GRM7: variants seen among roughly 807,000 people sequenced by gnomAD.
The protein encoded by GRM7 is glutamate metabotropic receptor 7.
GRM7 carries 35 observed loss-of-function variants against 84.5 expected under a neutral mutation model. That is an observed-to-expected ratio of 0.41 (90% CI 0.32 to 0.55). GRM7 has a LOEUF of 0.55. Among genes scored for constraint, GRM7 ranks in the 20% least tolerant of loss-of-function variants. The pLI is 0.19. For synonymous variants in GRM7, 487 were observed against 455.1 expected (o/e 1.07, Z -0.89); for missense variants, 1,003 against 1,194.6 (o/e 0.84, Z 2.36).
chr3:7,311,205 C>G (rs1700379187), intron 4 of GRM7, among the ~76,000 whole-genome samples: 1 of 152,134 alleles, frequency 6.6e-6, no homozygotes, highest in African/African-American at 2.4e-5. Context: ...TGCGGTCATT[C>G]TCCAGAAATC....
intron 4 of GRM7, among the ~76,000 whole-genome samples, chr3:7,338,575 G>A (rs1382429922): frequency 1.3e-5 from 2 of 152,036 alleles, no homozygotes; most frequent in African/African-American, 4.8e-5. Flanking sequence ...AGTACAACAA[G>A]CAACTGTAGC....
intron 2 of GRM7, among the ~76,000 whole-genome samples, chr3:7,227,785 T>C (rs983736197): frequency 2.6e-5 from 4 of 152,160 alleles, no homozygotes; most frequent in Non-Finnish European, 4.4e-5. Context: ...CTGGGTATTA[T>C]ATTGAATAAG....
intron 4 of GRM7, among the ~76,000 whole-genome samples, chr3:7,365,697 A>G (rs1014826636): frequency 1.3e-5 from 2 of 148,308 alleles, no homozygotes; most frequent in Non-Finnish European, 3.0e-5. Context: ...ATATATATAC[A>G]CATATATATG....
chr3:7,386,294 T>A (rs1368326168), intron 4 of GRM7, among the ~76,000 whole-genome samples: 1 of 152,214 alleles, frequency 6.6e-6, no homozygotes, highest in Non-Finnish European at 1.5e-5. Flanking sequence ...AATTTTAGAT[T>A]CGGGAGTTCC....
At chr3:7,142,034 G>C (rs1372989993) in intron 1 of GRM7, among the ~76,000 whole-genome samples, 3 of 152,028 alleles carry the variant, frequency 2.0e-5, no homozygotes, top group Non-Finnish European at 2.9e-5. Flanking sequence ...ATGTATAAAG[G>C]CTTGCATTAG....
chr3:7,506,014 C>G (rs955025585), intron 7 of GRM7, among the ~76,000 whole-genome samples: 1 of 152,192 alleles, frequency 6.6e-6, no homozygotes, highest in African/African-American at 2.4e-5. Context: ...ATTATAAATT[C>G]TGTCTTTAAA....
rs1335458022 is a variant in GRM7 at position 7,609,053 on chromosome 3, T to A, written c.2451+29696T>A. On this transcript the variant is annotated intron_variant, in intron 8 of 9. Transcript: ENST00000357716. ...TGTGCAGCCTTATTTCTGGGCTCTC[T>A]ATTCTGTTTCATTGGTCTATGTGCC... Among the ~76,000 whole-genome samples, 4 of 152,208 alleles carry A rather than the reference T, an allele frequency of 2.6e-5. No homozygotes were observed. In the East Asian group the frequency reaches 7.7e-4, roughly 29 times the overall value.
intron 2 of GRM7, among the ~76,000 whole-genome samples, chr3:7,217,008 C>A (rs116344766): frequency 0.011 from 1,691 of 152,174 alleles, 28 homozygotes; most frequent in African/African-American, 0.038. Flanking sequence ...TTCATCCCAA[C>A]GAAATCGTTT....
intron 8 of GRM7, among the ~76,000 whole-genome samples, chr3:7,665,274 C>T (rs931642680): frequency 2.0e-5 from 3 of 151,474 alleles, no homozygotes; most frequent in Non-Finnish European, 4.4e-5. Flanking sequence ...CGGGTTCACG[C>T]CATTCTCCTG....
chr3:7,408,861 ATTTC>A (rs1420123141), intron 4 of GRM7, among the ~76,000 whole-genome samples: 4 of 152,280 alleles, frequency 2.6e-5, no homozygotes, highest in Admixed American at 1.3e-4. Context: ...GCTTCCTCAT[ATTTC>A]TTGTGGGATT....
intron 5 of GRM7, among the ~76,000 whole-genome samples, chr3:7,437,640 A>G (rs1488601218): frequency 1.3e-5 from 2 of 151,732 alleles, no homozygotes; most frequent in African/African-American, 4.8e-5. Flanking sequence ...GCCTGGCTTT[A>G]TGTTCTTTTT....
intron 1 of GRM7, among the ~76,000 whole-genome samples, chr3:6,913,162 A>T (rs1369909565): frequency 1.3e-5 from 2 of 152,176 alleles, no homozygotes; most frequent in Non-Finnish European, 2.9e-5. Flanking sequence ...CTTTTAATAT[A>T]TGTAGCTATA....
In GRM7 at chr3:7,541,014, T is replaced by A. The variant is rs546545548; in HGVS notation, c.1516-37408T>A. ...AAGCTTGGAAACAAATTCACAGATA[T>A]GTTTGTATGTAAAAAGTATGTATAT... On this transcript the variant is annotated intron_variant, in intron 7 of 9. Transcript: ENST00000357716. Among the ~76,000 whole-genome samples the A allele has an allele frequency of 3.6e-3, 549 of 152,316 alleles. 2 individuals carry two copies. Among genetic ancestry groups the A allele is most frequent in the Middle Eastern group, 0.024 (7 of 294 alleles).
chr3:7,618,705 A>G (rs1697225722), intron 8 of GRM7, among the ~76,000 whole-genome samples: 1 of 152,132 alleles, frequency 6.6e-6, no homozygotes, highest in Non-Finnish European at 1.5e-5. Context: ...ACAAAGGCAC[A>G]TCTCTTTCCC....
At chr3:7,480,767 C>T (rs1051080032) in intron 7 of GRM7, among the ~76,000 whole-genome samples, 5 of 152,216 alleles carry the variant, frequency 3.3e-5, no homozygotes, top group South Asian at 4.1e-4. Flanking sequence ...CATTGGGATA[C>T]GTGTTGAAGT....
intron 2 of GRM7, among the ~76,000 whole-genome samples, chr3:7,280,914 G>A (rs548850850): frequency 7.2e-5 from 11 of 152,188 alleles, no homozygotes; most frequent in Admixed American, 6.5e-4. Context: ...TCATCATCCC[G>A]AGACTTTCAG....
At chr3:7,342,379 C>A (rs1374802548) in intron 4 of GRM7, among the ~76,000 whole-genome samples, 3 of 152,270 alleles carry the variant, frequency 2.0e-5, no homozygotes, top group East Asian at 3.9e-4. Flanking sequence ...ATGCAGTCTG[C>A]ACACTACACA....
chr3:7,207,941 A>G (rs1696292227), intron 2 of GRM7, among the ~76,000 whole-genome samples: 1 of 152,222 alleles, frequency 6.6e-6, no homozygotes, highest in Non-Finnish European at 1.5e-5. Context: ...TTCTTTTTAA[A>G]TGAAATGTCG....
intron 2 of GRM7, among the ~76,000 whole-genome samples, chr3:7,292,002 T>G (rs1699647680): frequency 6.6e-6 from 1 of 152,206 alleles, no homozygotes; most frequent in Non-Finnish European, 1.5e-5. Flanking sequence ...TTCACTCTTG[T>G]GTGCTGCCAT....
Sources: allele counts gnomAD v4.1 joint callset (sites outside exome capture counted in the v4.1 genomes callset), GRCh38; gene constraint gnomAD v4.1.1; transcripts MANE v1.5; gene names NCBI Gene and HGNC (gene_info 2026-07-23, HGNC 2026-07-21).